KIAA1217: variants seen among roughly 807,000 people sequenced by gnomAD.
KIAA1217 encodes KIAA1217.
Under a neutral mutation model 163.9 loss-of-function variants are expected in KIAA1217, and 88 were observed. The ratio of observed to expected loss-of-function variants is 0.54; its 90% confidence interval spans 0.45 to 0.64. The LOEUF (loss-of-function observed/expected upper bound fraction) is 0.64, where lower values mean the gene tolerates loss of function less well. Among genes scored for constraint, KIAA1217 ranks in the 30% least tolerant of loss-of-function variants. The pLI is 0.00. For missense variants in KIAA1217, 2,372 were observed against 2,475.0 expected, an observed-to-expected ratio of 0.96 and a Z score of 0.88; for synonymous variants, 903 against 923.1, an observed-to-expected ratio of 0.98 and a Z score of 0.39.
chr10:24,033,682 TA>T (rs1360363422), intron 2 of KIAA1217, among the ~76,000 whole-genome samples: 2 of 152,190 alleles, frequency 1.3e-5, no homozygotes, highest in Non-Finnish European at 2.9e-5. Flanking sequence ...ATATAGCAGG[TA>T]TTGGTCAAGG....
chr10:23,791,857 C>G (rs1351715573), intron 1 of KIAA1217, among the ~76,000 whole-genome samples: 1 of 151,958 alleles, frequency 6.6e-6, no homozygotes, highest in East Asian at 1.9e-4. Context: ...TATATTTCCA[C>G]CAAATAAGAA....
In KIAA1217 at chr10:23,853,854, G is replaced by A. The variant is rs560579278; in HGVS notation, c.-320-153371G>A. Among the ~76,000 whole-genome samples the A allele has an allele frequency of 1.6e-4, 25 of 152,102 alleles. No individual in the cohort carries two copies. In the East Asian group the frequency reaches 4.1e-3, roughly 25 times the overall value. On this transcript the variant is annotated intron_variant, in intron 1 of 18. Coordinates refer to the KIAA1217 transcript ENST00000376462. ...TAGTTTGTATTTCTGTGGGATTGGTGGTGATATCCCCTTTATCATTTTTTA... is the reference window on the plus strand; with the variant it reads ...TAGTTTGTATTTCTGTGGGATTGGTAGTGATATCCCCTTTATCATTTTTTA...
intron 1 of KIAA1217, among the ~76,000 whole-genome samples, chr10:23,827,034 G>A (rs151165929): frequency 6.6e-6 from 1 of 152,160 alleles, no homozygotes; most frequent in African/African-American, 2.4e-5. Context: ...TCTGGTGAGA[G>A]GTGAAGAGGG....
At chr10:24,255,644 C>T (rs559966281) in intron 2 of KIAA1217, 3 of 416,808 alleles carry the variant, frequency 7.2e-6, no homozygotes, top group Non-Finnish European at 1.4e-5. Context: ...CCCTGGGGTC[C>T]CTAAACTGCT....
chr10:24,415,052 A>C (rs948225415), intron 3 of KIAA1217, among the ~76,000 whole-genome samples: 1 of 151,638 alleles, frequency 6.6e-6, no homozygotes, highest in African/African-American at 2.4e-5. Flanking sequence ...CTGCTCTTAA[A>C]GTCCCTGCAT....
intron 2 of KIAA1217, among the ~76,000 whole-genome samples, chr10:24,319,117 C>A (rs1327749240): frequency 6.6e-6 from 1 of 152,128 alleles, no homozygotes; most frequent in African/African-American, 2.4e-5. Context: ...GTGGCTCACG[C>A]CTGTAATCCC....
intron 1 of KIAA1217, among the ~76,000 whole-genome samples, chr10:23,728,734 G>A (rs1838306381): frequency 2.0e-5 from 3 of 152,194 alleles, no homozygotes; most frequent in Admixed American, 6.5e-5. Context: ...AACGCCAAAA[G>A]CAATGGCAAA....
intron 2 of KIAA1217, among the ~76,000 whole-genome samples, chr10:24,010,463 A>G (rs755643550): frequency 6.7e-6 from 1 of 150,232 alleles, no homozygotes; most frequent in Non-Finnish European, 1.5e-5. Flanking sequence ...AATAAAAGCA[A>G]ATAACTGATC....
intron 5 of KIAA1217, among the ~76,000 whole-genome samples, chr10:24,441,606 A>G (rs1473146346): frequency 1.3e-5 from 2 of 152,094 alleles, no homozygotes; most frequent in Non-Finnish European, 2.9e-5. Flanking sequence ...TTTTGAGGCT[A>G]GTCTGTCTAA....
intron 2 of KIAA1217, chr10:24,275,825 A>C (rs2077226104): frequency 1.1e-5 from 5 of 465,244 alleles, no homozygotes; most frequent in South Asian, 5.1e-5. Flanking sequence ...GTTAATGATA[A>C]AATTTTCCAA....
At chr10:23,974,802 A>G (rs534981990) in intron 1 of KIAA1217, among the ~76,000 whole-genome samples, 2 of 152,312 alleles carry the variant, frequency 1.3e-5, no homozygotes, top group East Asian at 1.9e-4. Flanking sequence ...CGCCAGCCAT[A>G]AAGTAGGAAC....
chr10:24,324,338 G>A (rs1357113169), intron 2 of KIAA1217, among the ~76,000 whole-genome samples: 3 of 152,132 alleles, frequency 2.0e-5, no homozygotes, highest in East Asian at 1.9e-4. Flanking sequence ...AGGCCAAGGT[G>A]GGTGGATCGC....
chr10:24,057,095 A>C (rs989393983), intron 2 of KIAA1217, among the ~76,000 whole-genome samples: 1 of 151,980 alleles, frequency 6.6e-6, no homozygotes, highest in South Asian at 2.1e-4. Context: ...AAAAAAATTT[A>C]AATTAGCTAA....
Position 23,901,006 on chromosome 10 carries a change from T to A in KIAA1217, c.-320-106219T>A, listed in dbSNP as rs56656636. ...TTATTATGGCTGTTAATAATTATTT[T>A]TATTTAATAAACATTTGTTCACTTG... On this transcript the variant is annotated intron_variant, in intron 1 of 18. Transcript: ENST00000376462. Among the ~76,000 whole-genome samples, 666 of 152,264 alleles carry A rather than the reference T, an allele frequency of 4.4e-3. 3 individuals are homozygous for A. Among genetic ancestry groups the A allele is most frequent in the African/African-American group, 0.015 (613 of 41,570 alleles).
chr10:24,224,310 G>A (rs1332695280), intron 2 of KIAA1217, among the ~76,000 whole-genome samples: 1 of 152,014 alleles, frequency 6.6e-6, no homozygotes, highest in African/African-American at 2.4e-5. Flanking sequence ...TATGATTTGG[G>A]CTAATAGCTT....
intron 1 of KIAA1217, among the ~76,000 whole-genome samples, chr10:23,815,581 T>C (rs755181546): frequency 6.6e-6 from 1 of 152,152 alleles, no homozygotes; most frequent in Non-Finnish European, 1.5e-5. Context: ...GAGGCAGAGC[T>C]TGCAGTGAGC....
chr10:23,815,501 G>A (rs890411833), intron 1 of KIAA1217, among the ~76,000 whole-genome samples: 28 of 152,098 alleles, frequency 1.8e-4, no homozygotes, highest in Non-Finnish European at 3.7e-4. Flanking sequence ...AAAATTAGCT[G>A]GGCGTGGTGG....
intron 2 of KIAA1217, among the ~76,000 whole-genome samples, chr10:24,178,352 C>T (rs1439945331): frequency 6.6e-6 from 1 of 152,216 alleles, no homozygotes; most frequent in East Asian, 1.9e-4. Flanking sequence ...GCAAGGAATC[C>T]TATCCCCATT....
chr10:24,116,726 A>G (rs933108557), intron 2 of KIAA1217, among the ~76,000 whole-genome samples: 1 of 152,068 alleles, frequency 6.6e-6, no homozygotes, highest in African/African-American at 2.4e-5. Context: ...CAATTTACAC[A>G]TCTTCTTCCT....
Sources: allele counts gnomAD v4.1 joint callset (sites outside exome capture counted in the v4.1 genomes callset), GRCh38; gene constraint gnomAD v4.1.1; transcripts MANE v1.5; gene names NCBI Gene and HGNC (gene_info 2026-07-23, HGNC 2026-07-21).